Variants in CBL observed in about 807,000 individuals in gnomAD.
The protein encoded by CBL is E3 ubiquitin-protein ligase CBL.
In CBL, 45 loss-of-function variants were observed where a neutral mutation model predicts 96.9. The observed-to-expected ratio is 0.46, with a 90% CI of 0.37 to 0.60. The LOEUF is 0.60. CBL is among the 20% of genes least tolerant of loss of function. The pLI, the probability that CBL is intolerant of heterozygous loss-of-function variation, is 0.00. For missense variants in CBL, 1,024 were observed against 1,143.5 expected (o/e 0.90, Z 1.51); for synonymous variants, 420 against 426.8 (o/e 0.98, Z 0.20).
At position 119,278,519 on chromosome 11, in the gene CBL, G is replaced by T. The variant is rs371679886; in HGVS notation, c.1237G>T (p.Gly413Cys). Reference sequence around the variant, plus strand: ...TTTGCTTCTTCTGCAGGAATCAGAAGGTCAGGGCTGTCCTTTCTGCCGATG... The same window carrying T: ...TTTGCTTCTTCTGCAGGAATCAGAATGTCAGGGCTGTCCTTTCTGCCGATG... The part of the protein sequence containing the change: ...SCLTSWQESE[G>C]QGCPFCRCEI... The change falls in exon 9 of 16, where the codon GGT becomes TGT. Residue 413 changes from glycine (G) to cysteine (C), a missense_variant. This residue lies in a region of CBL where 695 missense variants were observed against 661.6 expected (regional missense o/e 1.05). Coordinates refer to ENST00000264033, the MANE Select transcript of CBL (RefSeq NM_005188.4). 6.2e-7 allele frequency: 1 copy of T among 1,614,058 alleles called. No individual in the cohort carries two copies. The highest frequency in any genetic ancestry group is 8.5e-7 in the Non-Finnish European group (1 of 1,179,932).
intron 12 of CBL, among the ~76,000 whole-genome samples, chr11:119,291,480 C>T (rs189922360): frequency 6.6e-6 from 1 of 152,298 alleles, no homozygotes; most frequent in East Asian, 1.9e-4. Flanking sequence ...CCGAGGCAAG[C>T]GGATTGCCTG....
intron 2 of CBL, among the ~76,000 whole-genome samples, chr11:119,253,133 T>A (rs1949683363): frequency 6.6e-6 from 1 of 152,186 alleles, no homozygotes; most frequent in African/African-American, 2.4e-5. Context: ...CTCAGATTTC[T>A]CATTTCAAGT....
In CBL at chr11:119,285,059, T is replaced by A. The variant is rs1207525665; in HGVS notation, c.1522T>A (p.Cys508Ser). The change falls in exon 10 of 16, where the codon TGT becomes AGT. Residue 508 changes from cysteine to serine, a missense_variant. Coordinates refer to ENST00000264033, the MANE Select transcript of CBL (RefSeq NM_005188.4). The stretch of plus-strand genomic sequence containing the variant: ...ACTTGACCTTCTGCCGCAGCGAGTA[T>A]GTGTTCCCTCAAGTGCTTCTGCTCT... ...PRLDLLPQRV[C>S]VPSSASALGT... is the part of the protein sequence containing the mutation. 1.9e-6 allele frequency: 3 copies of A among 1,614,162 alleles called. No individual in the cohort carries two copies. Among genetic ancestry groups the A allele is most frequent in the Non-Finnish European group, 1.7e-6 (2 of 1,180,016 alleles).
intron 2 of CBL, among the ~76,000 whole-genome samples, chr11:119,264,277 G>A (rs1565868199): frequency 6.6e-6 from 1 of 151,120 alleles, no homozygotes; most frequent in African/African-American, 2.4e-5. Context: ...AGGCTGGTAC[G>A]AAACTCCTGG....
At chr11:119,242,367 C>G (rs536524035) in intron 2 of CBL, among the ~76,000 whole-genome samples, 1 of 151,700 alleles carries the variant, frequency 6.6e-6, no homozygotes, top group African/African-American at 2.4e-5. Flanking sequence ...GGTGAAACCC[C>G]CTCCCTTCTA....
chr11:119,257,764 GT>G (rs1455106664), intron 2 of CBL, among the ~76,000 whole-genome samples: 1 of 152,092 alleles, frequency 6.6e-6, no homozygotes, highest in African/African-American at 2.4e-5. Context: ...TCTTCTACAT[GT>G]GGCTATGCAG....
At chr11:119,248,742 G>A (rs1301922172) in intron 2 of CBL, among the ~76,000 whole-genome samples, 1 of 152,170 alleles carries the variant, frequency 6.6e-6, no homozygotes, top group Non-Finnish European at 1.5e-5. Context: ...TTATATATTT[G>A]ATAAGGGATC....
In CBL at chr11:119,306,869, T is replaced by C. The variant is rs1270634632; in HGVS notation, c.*7088T>C. The stretch of plus-strand genomic sequence containing the variant: ...GCACCTCCTACGTCTGTTTTCTGGC[T>C]GTGGTGACTTGGGATTTTTAACCTT... On this transcript the variant is annotated 3_prime_UTR_variant, in exon 16 of 16. Transcript: ENST00000264033. The C allele has an allele frequency of 4.3e-6, 1 of 232,450 alleles. No individual in the cohort carries two copies. Among genetic ancestry groups the C allele is most frequent in the Non-Finnish European group, 8.5e-6 (1 of 117,474 alleles). The allele number at this position is 232,450 out of a possible 1,614,324, so 14.4% of individuals were successfully genotyped here. A position where few individuals can be genotyped will look rare whatever the true frequency, so the allele number is the denominator to read the frequency against.
chr11:119,279,192 A>G (rs1198101310), intron 9 of CBL, among the ~76,000 whole-genome samples: 1 of 150,248 alleles, frequency 6.7e-6, no homozygotes, highest in Non-Finnish European at 1.5e-5. Context: ...TTTTATTTTA[A>G]TGGAGTCTTG....
intron 11 of CBL, among the ~76,000 whole-genome samples, chr11:119,285,902 A>G (rs1052979531): frequency 2.0e-5 from 3 of 152,148 alleles, no homozygotes; most frequent in African/African-American, 7.2e-5. Flanking sequence ...TCTTGAAAAA[A>G]AAGAAGAAAG....
At chr11:119,252,582 G>GA (rs1949677012) in intron 2 of CBL, among the ~76,000 whole-genome samples, 1 of 152,126 alleles carries the variant, frequency 6.6e-6, no homozygotes, top group Non-Finnish European at 1.5e-5. Flanking sequence ...GAGGCCAGGT[G>GA]CGGTGGCTCA....
chr11:119,263,260 T>C (rs997711731), intron 2 of CBL, among the ~76,000 whole-genome samples: 1 of 152,202 alleles, frequency 6.6e-6, no homozygotes. Flanking sequence ...AGTGCTTTCA[T>C]GTATCAGGTC....
chr11:119,234,119 G>C (rs1949524871), intron 2 of CBL, among the ~76,000 whole-genome samples: 1 of 152,136 alleles, frequency 6.6e-6, no homozygotes, highest in South Asian at 2.1e-4. Context: ...TGATTCTTCT[G>C]TCTCAGCCTC....
rs1950146403 is a variant in CBL, at chr11:119,306,828, G to C, written c.*7047G>C. On this transcript the variant is annotated 3_prime_UTR_variant, in exon 16 of 16. Coordinates refer to ENST00000264033, the MANE Select transcript of CBL (RefSeq NM_005188.4). The stretch of plus-strand genomic sequence containing the variant: ...CTTCCTGCTGACACATGTGGTAGGG[G>C]CATGGCAGCTATGAGGCACCTCCTA... 1 of 233,966 alleles carries C rather than the reference G, an allele frequency of 4.3e-6. No homozygotes were observed. The highest frequency in any genetic ancestry group is 2.2e-5 in the African/African-American group (1 of 45,332). The allele number at this position is 233,966 out of a possible 1,614,324, so 14.5% of individuals were successfully genotyped here.
At chr11:119,288,178 A>G (rs182076666) in intron 12 of CBL, among the ~76,000 whole-genome samples, 3 of 152,192 alleles carry the variant, frequency 2.0e-5, no homozygotes, top group Admixed American at 2.0e-4. Flanking sequence ...ATTTTCAAGG[A>G]AGTAATTTTG....
intron 1 of CBL, among the ~76,000 whole-genome samples, chr11:119,217,931 G>A (rs966984706): frequency 1.3e-5 from 2 of 152,062 alleles, no homozygotes; most frequent in Admixed American, 1.3e-4. Context: ...AAAAAAATTA[G>A]TTGGCCGTGG....
At chr11:119,278,351 G>A (rs574955660) in intron 8 of CBL, 54 bp downstream of exon 8, 59 of 1,602,560 alleles carry the variant, frequency 3.7e-5, no homozygotes, top group Admixed American at 1.7e-4. Context: ...TGGAAAATTC[G>A]GTATTATATA....
intron 2 of CBL, among the ~76,000 whole-genome samples, chr11:119,242,419 T>G (rs1458352264): frequency 6.6e-6 from 1 of 150,980 alleles, no homozygotes; most frequent in Non-Finnish European, 1.5e-5. Context: ...GTACCTGTAA[T>G]CCAAGCTACT....
At chr11:119,255,207 T>G (rs1949702298) in intron 2 of CBL, among the ~76,000 whole-genome samples, 1 of 152,086 alleles carries the variant, frequency 6.6e-6, no homozygotes, top group Admixed American at 6.6e-5. Flanking sequence ...CCCTGGTACC[T>G]AGAGACTGTG....
Sources: allele counts gnomAD v4.1 joint callset (sites outside exome capture counted in the v4.1 genomes callset), GRCh38; gene constraint gnomAD v4.1.1; regional missense constraint gnomAD v4.1.1; transcripts MANE v1.5; gene names NCBI Gene and HGNC (gene_info 2026-07-23, HGNC 2026-07-21).